Variants in YARS1 observed in about 807,000 individuals in gnomAD.
The protein encoded by YARS1 is tyrosine--tRNA ligase, cytoplasmic.
A neutral mutation model predicts 62.2 loss-of-function variants in YARS1; 36 were observed. That is an observed-to-expected ratio of 0.58 (90% CI 0.44 to 0.76). The LOEUF (loss-of-function observed/expected upper bound fraction) is 0.76. Ranked by LOEUF, YARS1 falls within the 30% of genes least tolerant of loss-of-function variation. YARS1 has a pLI of 0.00. For synonymous variants in YARS1, 234 were observed against 244.9 expected (o/e 0.96, Z 0.42); for missense variants, 524 against 639.8 (o/e 0.82, Z 1.95).
chr1:32,780,620 GA>G, intron 10 of YARS1: 8 of 423,246 alleles, frequency 1.9e-5, no homozygotes, highest in Admixed American at 1.1e-4. Flanking sequence ...ATGTCGAAGG[GA>G]AAAAAAGCCC....
At chr1:32,780,800 C>T (rs1653027809) in intron 10 of YARS1, 1 of 554,316 alleles carries the variant, frequency 1.8e-6, no homozygotes, top group Admixed American at 2.8e-5. Flanking sequence ...CCAGATTTAA[C>T]AGATAAACAA....
intron 6 of YARS1, among the ~76,000 whole-genome samples, chr1:32,788,026 C>T (rs1387403527): frequency 6.6e-6 from 1 of 152,158 alleles, no homozygotes; most frequent in Non-Finnish European, 1.5e-5. Flanking sequence ...AGGAGGATCA[C>T]TTGAGCCTGA....
At chr1:32,783,437 A>C in intron 8 of YARS1, 1 of 152,142 alleles carries the variant, frequency 6.6e-6, no homozygotes, top group Non-Finnish European at 1.5e-5. Flanking sequence ...CAGCCTCCTG[A>C]GTAGCTGGGA....
At chr1:32,810,816 C>T (rs1381407251) in intron 2 of YARS1, 50 bp from the exon 3 acceptor site, 2 of 1,613,912 alleles carry the variant, frequency 1.2e-6, no homozygotes, top group African/African-American at 2.7e-5. Flanking sequence ...CCAATTACCT[C>T]CAACCTGTCT....
chr1:32,811,929 A>T (rs997273163), intron 1 of YARS1, among the ~76,000 whole-genome samples: 1 of 152,218 alleles, frequency 6.6e-6, no homozygotes, highest in Non-Finnish European at 1.5e-5. Flanking sequence ...TTTGGCCAAC[A>T]GGATCCCAAA....
At chr1:32,793,208 G>A (rs1199073374) in intron 5 of YARS1, among the ~76,000 whole-genome samples, 2 of 152,124 alleles carry the variant, frequency 1.3e-5, no homozygotes. Flanking sequence ...AAAGTCCCTA[G>A]AGGAGAAAGA....
intron 8 of YARS1, 113 bp from the exon 9 acceptor site, chr1:32,782,652 G>T: frequency 7.0e-7 from 1 of 1,437,428 alleles, no homozygotes; most frequent in Non-Finnish European, 9.6e-7. Flanking sequence ...TTTGATCCTT[G>T]TGATAATCTT....
Position 32,781,128 on chromosome 1 carries a change from G to A in YARS1, c.1060C>T (p.Pro354Ser). 6.2e-7 allele frequency: 1 copy of A among 1,614,118 alleles called. No homozygotes were observed. The highest frequency in any genetic ancestry group is 1.3e-5 in the African/African-American group (1 of 75,052). The change falls in exon 10 of 13, where the codon CCT becomes TCT. Residue 354 changes from proline (P) to serine (S), a missense_variant. Transcript: ENST00000373477. ...TCCTCTGGTTCTGAATTCTTGGCAG[G>A]GCCTTTGGCCATTGGCTCTGGGAAT... Reference protein sequence around the residue: ...PSKQKPMAKGPAKNSEPEEVI... With the variant: ...PSKQKPMAKGSAKNSEPEEVI...
In YARS1 at chr1:32,787,002, C is replaced by T; in HGVS notation, c.758G>A (p.Gly253Glu). Residue 253 changes from glycine (G) to glutamate (E), a missense_variant, in exon 7 of 13, where the codon GGA (glycine) becomes GAA (glutamate). Gly to Glu is a moderately conservative substitution (Grantham distance 98). Transcript: ENST00000373477. The stretch of plus-strand genomic sequence containing the variant: ...CAGAACCCCATTGTTCTCCACATTT[C>T]CTGGCTCACAGAAGGCCTTCTTCAG... ...KKLKKAFCEP[G>E]NVENNGVLSF... 6.2e-7 allele frequency: 1 copy of T among 1,614,188 alleles called. No individual in the cohort carries two copies. Among genetic ancestry groups the T allele is most frequent in the Non-Finnish European group, 8.5e-7 (1 of 1,180,032 alleles).
chr1:32,784,489 A>C (rs1380103146), intron 8 of YARS1, among the ~76,000 whole-genome samples: 1 of 151,862 alleles, frequency 6.6e-6, no homozygotes, highest in African/African-American at 2.4e-5. Flanking sequence ...AGTCAGACCA[A>C]ACCACCTGGA....
chr1:32,786,134 T>C lies in YARS1; in HGVS notation c.906+228A>G, dbSNP rs558547406. Among the ~76,000 whole-genome samples the C allele has an allele frequency of 2.5e-4, 38 of 152,192 alleles. No individual in the cohort carries two copies. Among genetic ancestry groups the C allele is most frequent in the African/African-American group, 9.2e-4 (38 of 41,496 alleles). On this transcript the variant is annotated intron_variant, in intron 8 of 12. Coordinates refer to ENST00000373477, the MANE Select transcript of YARS1 (RefSeq NM_003680.4). ...AAGGGCCCCGAGGGATAGAAATCCA[T>C]CTGTATTAACAAAATTCCTAAGTCA...
rs1652883785 is a variant in YARS1 at position 32,776,950 on chromosome 1, G to A, written c.1477-859C>T. Among the ~76,000 whole-genome samples, 1 of 151,966 alleles carries A rather than the reference G, an allele frequency of 6.6e-6. No individual in the cohort carries two copies. Among genetic ancestry groups the A allele is most frequent in the Non-Finnish European group, 1.5e-5 (1 of 67,984 alleles). Reference sequence around the variant, plus strand: ...CCACCACACTCCAGCCTGGGTGACAGAGTGAGACTCCGTCTCCAAAAAAAA... The same window carrying A: ...CCACCACACTCCAGCCTGGGTGACAAAGTGAGACTCCGTCTCCAAAAAAAA... On this transcript the variant is annotated intron_variant, in intron 12 of 12. Transcript: ENST00000373477. This position sits in a 1 kb window ranked among gnomAD's most constrained non-coding sequence, Gnocchi z 4.0.
intron 4 of YARS1, among the ~76,000 whole-genome samples, chr1:32,804,070 T>C (rs1638378434): frequency 6.6e-6 from 1 of 152,194 alleles, no homozygotes. Context: ...AGGTTATAGA[T>C]TAACAGCATC....
chr1:32,814,176 C>T (rs979247747), intron 1 of YARS1, among the ~76,000 whole-genome samples: 2 of 152,184 alleles, frequency 1.3e-5, no homozygotes, highest in Non-Finnish European at 2.9e-5. Flanking sequence ...ACTTCACTCC[C>T]CAACCATCTT....
chr1:32,788,574 G>A (rs563052392), intron 6 of YARS1, among the ~76,000 whole-genome samples: 2 of 152,044 alleles, frequency 1.3e-5, no homozygotes, highest in Admixed American at 6.5e-5. Context: ...TGGGATTACA[G>A]GCATGCACCA....
At chr1:32,787,270 C>T (rs1653260431) in intron 6 of YARS1, among the ~76,000 whole-genome samples, 195 bp from the exon 7 acceptor site, 1 of 152,060 alleles carries the variant, frequency 6.6e-6, no homozygotes, top group Non-Finnish European at 1.5e-5. Flanking sequence ...GCTGGGACTA[C>T]AGGAATGTGT....
intron 9 of YARS1, chr1:32,782,192 T>C: frequency 4.3e-6 from 3 of 695,634 alleles, no homozygotes; most frequent in Non-Finnish European, 7.1e-6. Flanking sequence ...CTCTCAGCAA[T>C]GCCGGTACAA....
At chr1:32,778,736 C>CTT (rs67504155) in intron 12 of YARS1, among the ~76,000 whole-genome samples, 29 of 120,064 alleles carry the variant, frequency 2.4e-4, no homozygotes, top group Admixed American at 4.3e-4. Context: ...CTTTTCTTTT[C>CTT]TTTTTTTTTT....
intron 4 of YARS1, among the ~76,000 whole-genome samples, chr1:32,805,396 T>C (rs1638436554): frequency 6.6e-6 from 1 of 152,176 alleles, no homozygotes; most frequent in Non-Finnish European, 1.5e-5. Context: ...AGGGCCTTTC[T>C]CTAGAGTAGG....
Sources: gnomAD v4.1 joint callset for allele counts (sites outside exome capture counted in the v4.1 genomes callset) on GRCh38, gnomAD v4.1.1 for gene constraint, Gnocchi (gnomAD v3.1) non-coding constraint, MANE v1.5 for transcripts, NCBI Gene and HGNC (gene_info 2026-07-23, HGNC 2026-07-21) for gene names.